The following LARGE1 variants were observed in gnomAD, a reference collection of about 807,000 sequenced individuals.
LARGE1 encodes the protein LARGE xylosyl- and glucuronyltransferase 1.
In LARGE1, 43 loss-of-function variants were observed where a neutral mutation model predicts 87.6. The observed-to-expected ratio is 0.49, with a 90% confidence interval of 0.38 to 0.63. The LOEUF (loss-of-function observed/expected upper bound fraction) is 0.63, where lower values mean the gene tolerates loss of function less well. Ranked by LOEUF, LARGE1 falls within the 30% of genes least tolerant of loss-of-function variation. LARGE1 has a pLI of 0.00. For missense variants in LARGE1, 802 were observed against 1,000.2 expected, an observed-to-expected ratio of 0.80 and a Z score of 2.67; for synonymous variants, 434 against 394.6, an observed-to-expected ratio of 1.10 and a Z score of -1.18.
intron 2 of LARGE1, among the ~76,000 whole-genome samples, chr22:33,664,756 C>T (rs948289537): frequency 7.2e-5 from 11 of 152,026 alleles, no homozygotes; most frequent in Non-Finnish European, 1.3e-4. Flanking sequence ...CTCAGCTACT[C>T]GGGAGGCTGC....
At chr22:33,562,772 C>T (rs768541789) in intron 6 of LARGE1, 3 of 152,414 alleles carry the variant, frequency 2.0e-5, no homozygotes, top group Non-Finnish European at 2.9e-5. Flanking sequence ...AGAGAATAAA[C>T]GTGATTTCCT....
intron 11 of LARGE1, among the ~76,000 whole-genome samples, chr22:33,192,816 C>T (rs75832201): frequency 3.9e-5 from 6 of 152,062 alleles, no homozygotes; most frequent in African/African-American, 9.7e-5. Flanking sequence ...ACATTTAAGA[C>T]CTTAATTCAT....
intron 7 of LARGE1, among the ~76,000 whole-genome samples, chr22:33,392,511 T>C (rs1248480793): frequency 6.6e-6 from 1 of 152,066 alleles, no homozygotes; most frequent in African/African-American, 2.4e-5. Context: ...ATACAAAAAT[T>C]AGCCAGATGT....
At chr22:33,920,502 G>A (rs1177860686), upstream of LARGE1, 3 of 145,502 alleles carry the variant, frequency 2.1e-5, no homozygotes, top group African/African-American at 7.4e-5. Context: ...CGAACGCGGC[G>A]GCGCGGGGGG....
At chr22:33,787,622 A>G (rs2085691413) in intron 1 of LARGE1, among the ~76,000 whole-genome samples, 1 of 152,192 alleles carries the variant, frequency 6.6e-6, no homozygotes, top group Non-Finnish European at 1.5e-5. Flanking sequence ...GCTCAATCAG[A>G]ATGAGAAAAA....
chr22:33,181,410 T>G (rs1923153536), intron 11 of LARGE1, among the ~76,000 whole-genome samples: 1 of 152,214 alleles, frequency 6.6e-6, no homozygotes, highest in Admixed American at 6.5e-5. Context: ...GATCTTTTAT[T>G]GAGGCTAACT....
intron 11 of LARGE1, among the ~76,000 whole-genome samples, chr22:33,246,357 G>A (rs1414802891): frequency 6.6e-6 from 1 of 152,048 alleles, no homozygotes; most frequent in Non-Finnish European, 1.5e-5. Context: ...ATTTTACAAA[G>A]TAAAGTGGCC....
chr22:33,284,949 G>A (rs1423163656), intron 12 of LARGE1, among the ~76,000 whole-genome samples: 1 of 152,204 alleles, frequency 6.6e-6, no homozygotes, highest in Non-Finnish European at 1.5e-5. Context: ...GCCATCCTGG[G>A]AAAGCGATTT....
rs145965804 is a variant in LARGE1 at position 33,803,661 on chromosome 22, G to C, written c.-82-42103C>G. 8.5e-4 allele frequency among the ~76,000 whole-genome samples: 130 copies of C among 152,300 alleles called. 3 individuals carry two copies. The East Asian group carries it at 0.024, about 28-fold the overall frequency. On this transcript the variant is annotated intron_variant, in intron 1 of 14. Coordinates refer to ENST00000397394, the MANE Select transcript of LARGE1 (RefSeq NM_133642.5). ...ATGAGGCAAAGTCTGGAGGGAACCA[G>C]GCTCAAGCTTCAAGAGTTCTCTCCC...
intron 6 of LARGE1, among the ~76,000 whole-genome samples, chr22:33,484,882 T>G (rs1379937577): frequency 1.3e-5 from 2 of 151,756 alleles, no homozygotes; most frequent in African/African-American, 2.4e-5. Context: ...TAGAGTGATA[T>G]CCACTCACCC....
At chr22:33,134,240 C>T in the LARGE1 span, among the ~76,000 whole-genome samples, 1 of 149,514 alleles carries the variant, frequency 6.7e-6, no homozygotes, top group Non-Finnish European at 1.5e-5. Context: ...ATAGTCTGCA[C>T]TCACAAAGAA....
chr22:33,527,453 T>A (rs1167168484), intron 6 of LARGE1, among the ~76,000 whole-genome samples: 1 of 152,110 alleles, frequency 6.6e-6, no homozygotes, highest in East Asian at 1.9e-4. Flanking sequence ...GGCGATCGGA[T>A]TTATGTTCCC....
At chr22:33,177,611 G>GA (rs952175716) in intron 11 of LARGE1, among the ~76,000 whole-genome samples, 39 of 151,178 alleles carry the variant, frequency 2.6e-4, no homozygotes, top group South Asian at 6.3e-4. Flanking sequence ...AGAGGATAAA[G>GA]AAAAAAAAAT....
intron 7 of LARGE1, among the ~76,000 whole-genome samples, chr22:33,425,185 C>T (rs1047909404): frequency 2.6e-5 from 4 of 152,074 alleles, no homozygotes; most frequent in Non-Finnish European, 5.9e-5. Flanking sequence ...TCGCTTGAAC[C>T]CGGGAGGTGG....
chr22:33,722,092 A>G (rs2149443315), intron 2 of LARGE1, among the ~76,000 whole-genome samples: 1 of 152,254 alleles, frequency 6.6e-6, no homozygotes, highest in East Asian at 1.9e-4. Context: ...TCTCTACTAA[A>G]AATACAAAAA....
intron 6 of LARGE1, among the ~76,000 whole-genome samples, chr22:33,504,336 T>C (rs186940611): frequency 6.6e-6 from 1 of 152,216 alleles, no homozygotes. Context: ...CTCAGCTCAC[T>C]GCAACCTCCG....
chr22:33,317,594 G>A (rs1936296555), intron 10 of LARGE1, among the ~76,000 whole-genome samples: 1 of 152,150 alleles, frequency 6.6e-6, no homozygotes, highest in Non-Finnish European at 1.5e-5. Flanking sequence ...AAAAGAGCAG[G>A]CACACCTGCT....
Position 33,849,755 on chromosome 22 carries a change from T to C in LARGE1, c.-83+70240A>G, listed in dbSNP as rs543772381. On this transcript the variant is annotated intron_variant, in intron 1 of 14. Coordinates refer to ENST00000397394, the MANE Select transcript of LARGE1 (RefSeq NM_133642.5). Reference sequence around the variant, plus strand: ...CTGGGATTACAGATGAGCACCACCATGCCCAGCTAACTTTTTTGTATTTTA... The same window carrying C: ...CTGGGATTACAGATGAGCACCACCACGCCCAGCTAACTTTTTTGTATTTTA... 3.3e-5 allele frequency among the ~76,000 whole-genome samples: 5 copies of C among 152,076 alleles called. 1 individual carries two copies. In the South Asian group the frequency reaches 1.0e-3, roughly 32 times the overall value.
chr22:33,437,302 T>C (rs1247979724), intron 6 of LARGE1, among the ~76,000 whole-genome samples: 4 of 152,220 alleles, frequency 2.6e-5, no homozygotes, highest in Non-Finnish European at 4.4e-5. Flanking sequence ...CCATACTTCC[T>C]GAGTACAGTA....
Sources: gnomAD v4.1 joint callset for allele counts (sites outside exome capture counted in the v4.1 genomes callset) on GRCh38, gnomAD v4.1.1 for gene constraint, MANE v1.5 for transcripts, NCBI Gene and HGNC (gene_info 2026-07-23, HGNC 2026-07-21) for gene names.